RNF169: variants seen among roughly 807,000 people sequenced by gnomAD.
The protein encoded by RNF169 is ring finger protein 169, also known as E3 ubiquitin-protein ligase RNF169.
RNF169 carries 24 observed loss-of-function variants against 53.9 expected under a neutral mutation model. The observed-to-expected ratio is 0.45, with a 90% CI of 0.32 to 0.63. The LOEUF (loss-of-function observed/expected upper bound fraction) is 0.63, where lower values mean the gene tolerates loss of function less well. Ranked by LOEUF, RNF169 falls within the 20% of genes least tolerant of loss-of-function variation. RNF169 has a pLI of 0.04. For missense variants in RNF169, 883 were observed against 906.2 expected, an observed-to-expected ratio of 0.97 and a Z score of 0.33; for synonymous variants, 396 against 363.5, an observed-to-expected ratio of 1.09 and a Z score of -1.02.
intron 1 of RNF169, among the ~76,000 whole-genome samples, chr11:74,751,742 T>A (rs2034898310): frequency 6.6e-6 from 1 of 152,252 alleles, no homozygotes; most frequent in Admixed American, 6.5e-5. Flanking sequence ...TGGATTGTTT[T>A]GTATATACAG....
At chr11:74,762,206 TA>T (rs907185022) in intron 1 of RNF169, among the ~76,000 whole-genome samples, 8 of 150,162 alleles carry the variant, frequency 5.3e-5, no homozygotes, top group African/African-American at 2.0e-4. Flanking sequence ...TACATTCTTC[TA>T]AATTTTTTTC....
At chr11:74,828,538 G>A (rs1036311209) in intron 4 of RNF169, among the ~76,000 whole-genome samples, 4 of 152,120 alleles carry the variant, frequency 2.6e-5, no homozygotes, top group Admixed American at 2.6e-4. Flanking sequence ...GAATATTCAT[G>A]ACAATTCTAA....
intron 1 of RNF169, among the ~76,000 whole-genome samples, chr11:74,753,011 C>T (rs925968618): frequency 6.6e-6 from 1 of 152,066 alleles, no homozygotes; most frequent in African/African-American, 2.4e-5. Context: ...CTCTGTTGCC[C>T]AGGCTGGAGT....
intron 1 of RNF169, among the ~76,000 whole-genome samples, chr11:74,766,292 T>C (rs182242240): frequency 1.2e-4 from 18 of 152,218 alleles, no homozygotes; most frequent in African/African-American, 4.3e-4. Context: ...AAATGCAGAA[T>C]ATGGGAAAAC....
At chr11:74,806,864 A>G (rs2035812328) in intron 2 of RNF169, among the ~76,000 whole-genome samples, 2 of 151,982 alleles carry the variant, frequency 1.3e-5, no homozygotes, top group Admixed American at 6.6e-5. Flanking sequence ...GTGGTGGTGA[A>G]TGGATAATTT....
intron 1 of RNF169, among the ~76,000 whole-genome samples, chr11:74,769,868 A>C (rs1009599877): frequency 6.6e-6 from 1 of 152,184 alleles, no homozygotes; most frequent in Non-Finnish European, 1.5e-5. Flanking sequence ...AAATCATGGC[A>C]CATTACAGCC....
chr11:74,764,506 A>G (rs11821395), intron 1 of RNF169, among the ~76,000 whole-genome samples: 2,994 of 152,324 alleles, frequency 0.02, 71 homozygotes, highest in African/African-American at 0.069. Flanking sequence ...ACCATGAGCA[A>G]AACTCCATCT....
chr11:74,824,433 G>C (rs1218436350), intron 4 of RNF169, among the ~76,000 whole-genome samples: 1 of 151,896 alleles, frequency 6.6e-6, no homozygotes, highest in Non-Finnish European at 1.5e-5. Flanking sequence ...AGAGAGAAAG[G>C]GGCAGAAAGA....
chr11:74,803,216 G>T (rs2035759262), intron 2 of RNF169, among the ~76,000 whole-genome samples: 1 of 151,974 alleles, frequency 6.6e-6, no homozygotes, highest in Non-Finnish European at 1.5e-5. Flanking sequence ...CTCCCTAGTA[G>T]CTGGAACTAC....
intron 4 of RNF169, 64 bp downstream of exon 4, chr11:74,817,778 TG>T: frequency 2.0e-6 from 2 of 994,100 alleles, no homozygotes; most frequent in Non-Finnish European, 3.2e-6. Flanking sequence ...TAAAAGGGAC[TG>T]GGGGAGCAAA....
intron 1 of RNF169, among the ~76,000 whole-genome samples, chr11:74,782,714 C>T (rs1378134052): frequency 2.0e-5 from 3 of 151,984 alleles, no homozygotes; most frequent in African/African-American, 4.8e-5. Context: ...ACACATTAGT[C>T]CTCAGTTAAC....
chr11:74,782,354 A>G (rs570543668), intron 1 of RNF169, among the ~76,000 whole-genome samples: 2 of 152,318 alleles, frequency 1.3e-5, no homozygotes, highest in African/African-American at 4.8e-5. Context: ...GTACCAGTCC[A>G]TGGCCTATTA....
intron 3 of RNF169, among the ~76,000 whole-genome samples, chr11:74,810,787 A>G (rs2035864983): frequency 6.6e-6 from 1 of 152,132 alleles, no homozygotes; most frequent in Non-Finnish European, 1.5e-5. Context: ...ATTCAATTAG[A>G]CTTCTAATTG....
At chr11:74,775,450 A>C (rs2035319365) in intron 1 of RNF169, among the ~76,000 whole-genome samples, 1 of 151,848 alleles carries the variant, frequency 6.6e-6, no homozygotes, top group Non-Finnish European at 1.5e-5. Flanking sequence ...CCCTAGTTTC[A>C]GTATTCAAGT....
rs1394566172 is a variant in RNF169 at position 74,840,698 on chromosome 11, C to T, written c.*3968C>T. On this transcript the variant is annotated 3_prime_UTR_variant, in exon 6 of 6. Transcript: ENST00000299563. ...CTAGTAGGAGAGTGAGAAAAGAGAA[C>T]AAAGGCTGGGTCACAGTCATAGAAT... 6.6e-6 allele frequency: 1 copy of T among 151,624 alleles called. No homozygotes were observed. The highest frequency in any genetic ancestry group is 1.5e-5 in the Non-Finnish European group (1 of 67,964). 9.4% of individuals were successfully genotyped at this position (151,624 alleles called of 1,614,324 possible).
chr11:74,782,234 A>G (rs2035426185), intron 1 of RNF169, among the ~76,000 whole-genome samples: 1 of 152,150 alleles, frequency 6.6e-6, no homozygotes, highest in African/African-American at 2.4e-5. Context: ...CAAGAATCAT[A>G]GTTGTTGATG....
rs755809867 is a variant in RNF169, at chr11:74,835,909, C to A, written c.1306C>A (p.Gln436Lys). ...TCCACGGATCCTCAAAAAGTGGGAA[C>A]AGATCTTTCAGGAGCGGCAGATCAA... ...ASPRILKKWE[Q>K]IFQERQIKKT... The change falls in exon 6 of 6, where the codon CAG becomes AAG. Residue 436 changes from glutamine to lysine, a missense_variant. By Grantham distance (53) the Gln-to-Lys change is moderately conservative. Coordinates refer to ENST00000299563, the MANE Select transcript of RNF169 (RefSeq NM_001098638.2). The A allele has an allele frequency of 2.0e-5, 32 of 1,614,030 alleles. No individual in the cohort carries two copies. Among genetic ancestry groups the A allele is most frequent in the Non-Finnish European group, 1.9e-5 (22 of 1,180,038 alleles).
chr11:74,834,051 T>A (rs1394223642), intron 4 of RNF169, among the ~76,000 whole-genome samples: 2 of 152,244 alleles, frequency 1.3e-5, no homozygotes, highest in Non-Finnish European at 2.9e-5. Context: ...TATGCTATAG[T>A]GTAGTGGACT....
At chr11:74,755,019 C>G (rs1478351272) in intron 1 of RNF169, among the ~76,000 whole-genome samples, 1 of 152,178 alleles carries the variant, frequency 6.6e-6, no homozygotes, top group African/African-American at 2.4e-5. Context: ...TGTGTGCAGC[C>G]TAAATTACAT....
Sources: allele counts gnomAD v4.1 joint callset (sites outside exome capture counted in the v4.1 genomes callset), GRCh38; gene constraint gnomAD v4.1.1; transcripts MANE v1.5; gene names NCBI Gene and HGNC (gene_info 2026-07-23, HGNC 2026-07-21).